Variants in PPARG observed in about 807,000 individuals in gnomAD.
PPARG encodes the protein peroxisome proliferator activated receptor gamma.
Under a neutral mutation model 39.2 loss-of-function variants are expected in PPARG, and 17 were observed. The ratio of observed to expected loss-of-function variants is 0.43; its 90% CI spans 0.30 to 0.65. The LOEUF (loss-of-function observed/expected upper bound fraction) is 0.65. Ranked by LOEUF, PPARG falls within the 30% of genes least tolerant of loss-of-function variation. The pLI is 0.13. For missense variants in PPARG, 406 were observed against 585.9 expected, an observed-to-expected ratio of 0.69 and a Z score of 3.17; for synonymous variants, 223 against 215.7, an observed-to-expected ratio of 1.03 and a Z score of -0.30.
chr3:12,416,704 C>A lies in PPARG; in HGVS notation c.730C>A (p.Pro244Thr). 1 of 1,613,066 alleles carries A rather than the reference C, an allele frequency of 6.2e-7. No homozygotes were observed. Residue 244 changes from proline to threonine, a missense_variant and splice_region_variant, in exon 7 of 8, where the codon CCA (proline) becomes ACA (threonine). Pro to Thr is a conservative substitution (Grantham distance 38). Around this residue, in one of 2 missense-constraint regions of PPARG, gnomAD observed 275 missense variants for 458.0 expected, o/e 0.60. Transcript: ENST00000651735. ...ILTGKTTDKS[P>T]FVIYDMNSLM... ...CACGTTTTCCCTGTTTTATTTGCAGCCATTCGTTATCTATGACATGAATTC... is the reference window on the plus strand; with the variant it reads ...CACGTTTTCCCTGTTTTATTTGCAGACATTCGTTATCTATGACATGAATTC...
chr3:12,405,814 A>G (rs1261222010), intron 5 of PPARG, 68 bp from the exon 6 acceptor site: 6 of 1,504,944 alleles, frequency 4.0e-6, no homozygotes, highest in Non-Finnish European at 5.5e-6. Context: ...GAGGGCTGGG[A>G]GAGCACAGTG....
chr3:12,396,642 C>T (rs1460784779), intron 5 of PPARG, among the ~76,000 whole-genome samples: 1 of 151,498 alleles, frequency 6.6e-6, no homozygotes, highest in Non-Finnish European at 1.5e-5. Context: ...CCTGTGGTTT[C>T]AGCTACTCGG....
intron 2 of PPARG, among the ~76,000 whole-genome samples, chr3:12,330,188 G>GT (rs1430452482): frequency 1.3e-5 from 2 of 149,730 alleles, no homozygotes; most frequent in Non-Finnish European, 3.0e-5. Context: ...TGGTAATTCT[G>GT]TTTTGCTTTT....
intron 6 of PPARG, among the ~76,000 whole-genome samples, chr3:12,411,796 A>ACATT (rs61340471): frequency 6.6e-6 from 1 of 151,814 alleles, no homozygotes; most frequent in African/African-American, 2.4e-5. Context: ...AACCAACGAG[A>ACATT]GGCTGAGGAA....
At chr3:12,349,313 T>C (rs2048414352) in intron 2 of PPARG, among the ~76,000 whole-genome samples, 1 of 152,232 alleles carries the variant, frequency 6.6e-6, no homozygotes, top group Non-Finnish European at 1.5e-5. Context: ...ACAAATGAGA[T>C]TGGCTCATCT....
chr3:12,393,190 A>ATTTTTTTTTTTTTTT (rs143287325), intron 5 of PPARG, among the ~76,000 whole-genome samples: 4 of 111,542 alleles, frequency 3.6e-5, no homozygotes, highest in East Asian at 2.6e-4. Flanking sequence ...GATTCATTTA[A>ATTTTTTTTTTTTTTT]TTTTTTTTTT....
At chr3:12,362,371 T>C (rs1209443144) in intron 2 of PPARG, among the ~76,000 whole-genome samples, 3 of 151,840 alleles carry the variant, frequency 2.0e-5, no homozygotes, top group Non-Finnish European at 4.4e-5. Flanking sequence ...TACGAAAAAT[T>C]AGCCAGGCAT....
At chr3:12,341,651 A>T (rs566216257) in intron 2 of PPARG, among the ~76,000 whole-genome samples, 2 of 152,258 alleles carry the variant, frequency 1.3e-5, no homozygotes, top group South Asian at 2.1e-4. Context: ...CTACAAAAAC[A>T]TACAAAAGTT....
chr3:12,347,619 G>T (rs2048365405), intron 2 of PPARG, among the ~76,000 whole-genome samples: 1 of 152,150 alleles, frequency 6.6e-6, no homozygotes, highest in Admixed American at 6.5e-5. Flanking sequence ...TTTTGGGTAG[G>T]GGGAGAAGTG....
intron 1 of PPARG, among the ~76,000 whole-genome samples, chr3:12,302,025 G>C (rs1210140578): frequency 6.6e-6 from 1 of 152,194 alleles, no homozygotes; most frequent in Non-Finnish European, 1.5e-5. Context: ...AGAAGGGGTA[G>C]TGTTGAAACA....
chr3:12,343,445 T>G (rs1343404598), intron 2 of PPARG, among the ~76,000 whole-genome samples: 1 of 152,226 alleles, frequency 6.6e-6, no homozygotes, highest in Non-Finnish European at 1.5e-5. Context: ...AAATCCCTTC[T>G]CTGCCTCTTA....
At chr3:12,402,672 T>G (rs961269779) in intron 5 of PPARG, among the ~76,000 whole-genome samples, 1 of 152,112 alleles carries the variant, frequency 6.6e-6, no homozygotes, top group Non-Finnish European at 1.5e-5. Flanking sequence ...TACTCCTAAT[T>G]GAGTGGATGG....
At chr3:12,352,835 G>A (rs1204167670) in intron 2 of PPARG, among the ~76,000 whole-genome samples, 2 of 152,120 alleles carry the variant, frequency 1.3e-5, no homozygotes, top group Admixed American at 6.6e-5. Flanking sequence ...CTCTTAACTA[G>A]GAGTTTTGTT....
At chr3:12,353,292 T>C (rs1312325757) in intron 2 of PPARG, among the ~76,000 whole-genome samples, 1 of 152,224 alleles carries the variant, frequency 6.6e-6, no homozygotes, top group Non-Finnish European at 1.5e-5. Flanking sequence ...TTATAGGGTC[T>C]CTGGCTACTA....
At chr3:12,406,137 T>G in intron 6 of PPARG, 56 bp downstream of exon 6, 1 of 1,539,670 alleles carries the variant, frequency 6.5e-7, no homozygotes, top group South Asian at 1.2e-5. Flanking sequence ...TTTGGGTTTT[T>G]GTTTCTTTGA....
At chr3:12,361,050 A>G (rs908621717) in intron 2 of PPARG, among the ~76,000 whole-genome samples, 13 of 152,174 alleles carry the variant, frequency 8.5e-5, no homozygotes, top group Non-Finnish European at 1.3e-4. Context: ...TAGCTCTTCT[A>G]CACCATCACT....
chr3:12,327,776 G>A (rs113598288), intron 2 of PPARG, among the ~76,000 whole-genome samples: 6 of 152,230 alleles, frequency 3.9e-5, no homozygotes, highest in African/African-American at 1.4e-4. Context: ...TAAAATCCCA[G>A]GATTTTTCAG....
intron 2 of PPARG, chr3:12,351,826 T>C: frequency 2.9e-6 from 2 of 695,646 alleles, no homozygotes; most frequent in Non-Finnish European, 5.1e-6. Flanking sequence ...TGCTATCGCG[T>C]TCATTTAAAA....
chr3:12,427,071 G>T (rs2051473682), intron 7 of PPARG, among the ~76,000 whole-genome samples: 2 of 152,168 alleles, frequency 1.3e-5, no homozygotes, highest in Non-Finnish European at 2.9e-5. Context: ...AGCCAAAATT[G>T]ATAATCCCTG....
Sources: allele counts gnomAD v4.1 joint callset (sites outside exome capture counted in the v4.1 genomes callset), GRCh38; gene constraint gnomAD v4.1.1; regional missense constraint gnomAD v4.1.1; transcripts MANE v1.5; gene names NCBI Gene and HGNC (gene_info 2026-07-23, HGNC 2026-07-21).